GULP1: variants seen among roughly 807,000 people sequenced by gnomAD.
GULP1 encodes the protein PTB domain-containing engulfment adapter protein 1.
A neutral mutation model predicts 40.9 loss-of-function variants in GULP1; 19 were observed. The observed-to-expected ratio is 0.46, with a 90% CI of 0.32 to 0.68. GULP1 has a LOEUF of 0.68. GULP1 is among the 30% of genes least tolerant of loss of function. The probability of loss-of-function intolerance (pLI) is 0.03; values close to 1 mark genes in which losing one functional copy is unlikely to be tolerated. For missense variants in GULP1, 312 were observed against 362.2 expected (o/e 0.86, Z 1.12); for synonymous variants, 119 against 117.6 (o/e 1.01, Z -0.08).
At chr2:188,563,454 G>A (rs913321688) in intron 7 of GULP1, among the ~76,000 whole-genome samples, 1 of 149,916 alleles carries the variant, frequency 6.7e-6, no homozygotes, top group Admixed American at 6.7e-5. Flanking sequence ...CAGAAAAGAA[G>A]TAGAAAATCT....
intron 2 of GULP1, among the ~76,000 whole-genome samples, chr2:188,420,496 C>T (rs1019679917): frequency 5.3e-5 from 8 of 152,128 alleles, no homozygotes; most frequent in Admixed American, 2.6e-4. Context: ...CTCAGCTCAG[C>T]GAGCAGGAGC....
intron 1 of GULP1, among the ~76,000 whole-genome samples, chr2:188,296,187 G>A (rs1054325211): frequency 3.9e-5 from 6 of 152,000 alleles, no homozygotes; most frequent in Non-Finnish European, 7.4e-5. Flanking sequence ...TCCCATAAGA[G>A]CATAAAATAT....
chr2:188,324,117 G>T (rs758450826), intron 1 of GULP1, among the ~76,000 whole-genome samples: 7 of 152,044 alleles, frequency 4.6e-5, no homozygotes, highest in Non-Finnish European at 7.4e-5. Context: ...AGGGCCTAAT[G>T]AGAGGAATAA....
intron 1 of GULP1, among the ~76,000 whole-genome samples, chr2:188,370,819 A>G (rs899128841): frequency 6.6e-6 from 1 of 152,124 alleles, no homozygotes; most frequent in African/African-American, 2.4e-5. Context: ...TGTCTTTAAG[A>G]GAATATACTT....
At chr2:188,309,497 G>T (rs1470417224) in intron 1 of GULP1, among the ~76,000 whole-genome samples, 2 of 151,888 alleles carry the variant, frequency 1.3e-5, no homozygotes, top group South Asian at 2.1e-4. Flanking sequence ...AGAAATTAAG[G>T]TATATTATCT....
intron 2 of GULP1, among the ~76,000 whole-genome samples, chr2:188,396,287 G>T (rs1003987249): frequency 6.6e-6 from 1 of 152,248 alleles, no homozygotes; most frequent in African/African-American, 2.4e-5. Flanking sequence ...AAAGCCAGGT[G>T]GGGGCTGGGT....
intron 1 of GULP1, among the ~76,000 whole-genome samples, chr2:188,369,520 CTAGTGTGGCTCTTCTGAG>C (rs2047320275): frequency 6.6e-6 from 1 of 152,064 alleles, no homozygotes. Context: ...TGGGACGTAA[CTAGTGTGGCTCTTCTGAG>C]TAGATTCCCT....
chr2:188,360,443 G>GT (rs879498926), intron 1 of GULP1, among the ~76,000 whole-genome samples: 124 of 145,706 alleles, frequency 8.5e-4, no homozygotes, highest in Middle Eastern at 3.6e-3. Context: ...AGTATTTCAA[G>GT]TTTTTTTTTT....
At chr2:188,481,148 A>C (rs2061416603) in intron 3 of GULP1, among the ~76,000 whole-genome samples, 1 of 151,870 alleles carries the variant, frequency 6.6e-6, no homozygotes, top group Admixed American at 6.6e-5. Flanking sequence ...GTAAGTCTTC[A>C]ATTTTGAGTT....
intron 7 of GULP1, among the ~76,000 whole-genome samples, chr2:188,549,435 A>G (rs1692877304): frequency 3.3e-5 from 5 of 151,756 alleles, no homozygotes; most frequent in Admixed American, 3.3e-4. Flanking sequence ...AATGCAAATT[A>G]AAATCAAAAT....
chr2:188,297,062 G>A (rs187847227), intron 1 of GULP1, among the ~76,000 whole-genome samples: 1 of 151,980 alleles, frequency 6.6e-6, no homozygotes, highest in African/African-American at 2.4e-5. Flanking sequence ...GGGAAAAATA[G>A]CTTCAGTTAA....
intron 7 of GULP1, among the ~76,000 whole-genome samples, chr2:188,567,152 G>T (rs933564336): frequency 6.6e-6 from 1 of 152,162 alleles, no homozygotes; most frequent in East Asian, 1.9e-4. Context: ...CAAGGCTGTG[G>T]AGAAATATAA....
chr2:188,502,977 TGGGCAATAAAA>T (rs149288102), intron 4 of GULP1, among the ~76,000 whole-genome samples: 6,330 of 151,916 alleles, frequency 0.042, 297 homozygotes, highest in African/African-American at 0.11. Context: ...AAAGGACAGA[TGGGCAATAAAA>T]GGTCTAGCTA....
At chr2:188,338,922 T>C (rs2042628851) in intron 1 of GULP1, among the ~76,000 whole-genome samples, 1 of 152,200 alleles carries the variant, frequency 6.6e-6, no homozygotes, top group South Asian at 2.1e-4. Flanking sequence ...ACTGACAGTT[T>C]TATTTCCTAG....
At chr2:188,556,790 C>T (rs1474885041) in intron 7 of GULP1, among the ~76,000 whole-genome samples, 1 of 152,116 alleles carries the variant, frequency 6.6e-6, no homozygotes, top group Non-Finnish European at 1.5e-5. Context: ...AATCCCAGCA[C>T]TTTGGGAGGC....
chr2:188,315,344 A>G (rs2038901450), intron 1 of GULP1, among the ~76,000 whole-genome samples: 1 of 152,182 alleles, frequency 6.6e-6, no homozygotes, highest in Admixed American at 6.6e-5. Context: ...ATATGTATCT[A>G]TAGGAGAAAA....
At chr2:188,589,916 T>A in intron 11 of GULP1, 1 of 405,122 alleles carries the variant, frequency 2.5e-6, no homozygotes, top group African/African-American at 2.1e-5. Context: ...CATTTTAAGA[T>A]TATTTTTCAG....
intron 2 of GULP1, among the ~76,000 whole-genome samples, chr2:188,464,690 G>T (rs1442739780): frequency 1.3e-5 from 2 of 152,146 alleles, no homozygotes; most frequent in Non-Finnish European, 2.9e-5. Flanking sequence ...TTGTTCTATT[G>T]TACTGTGGTT....
At chr2:188,532,651 C>T (rs1469944543) in intron 6 of GULP1, among the ~76,000 whole-genome samples, 2 of 151,694 alleles carry the variant, frequency 1.3e-5, no homozygotes, top group African/African-American at 4.8e-5. Context: ...GGTGCAGTGG[C>T]TCATGCCTGT....
Sources: allele counts gnomAD v4.1 joint callset (sites outside exome capture counted in the v4.1 genomes callset), GRCh38; gene constraint gnomAD v4.1.1; transcripts MANE v1.5; gene names NCBI Gene and HGNC (gene_info 2026-07-23, HGNC 2026-07-21).